Variants in ZBBX observed in about 807,000 individuals in gnomAD.
ZBBX encodes the protein zinc finger B-box domain containing.
ZBBX carries 101 observed loss-of-function variants against 108.5 expected under a neutral mutation model. The observed-to-expected ratio is 0.93, with a 90% CI of 0.79 to 1.10. The LOEUF (loss-of-function observed/expected upper bound fraction) is 1.10, where lower values mean the gene tolerates loss of function less well. Ranked by LOEUF, ZBBX falls within the 50% of genes least tolerant of loss-of-function variation. The pLI is 0.00. For missense variants in ZBBX, 1,009 were observed against 941.4 expected (o/e 1.07, Z -0.94); for synonymous variants, 356 against 323.4 (o/e 1.10, Z -1.08).
chr3:167,348,314 GAGAA>G (rs71176641), intron 9 of ZBBX, among the ~76,000 whole-genome samples: 2,624 of 65,530 alleles, frequency 0.04, 70 homozygotes, highest in Middle Eastern at 0.082. Context: ...GAGAAAGAAA[GAGAA>G]AGAAAGAAAG....
chr3:167,375,952 G>T (rs1004699363), intron 2 of ZBBX, among the ~76,000 whole-genome samples: 11 of 152,094 alleles, frequency 7.2e-5, no homozygotes, highest in Non-Finnish European at 1.5e-4. Context: ...CCTATTAGTG[G>T]TCCCAGGTAT....
chr3:167,246,260 C>A (rs1721554574), intron 20 of ZBBX, among the ~76,000 whole-genome samples: 1 of 152,162 alleles, frequency 6.6e-6, no homozygotes, highest in South Asian at 2.1e-4. Context: ...TTCTGCAATT[C>A]AAAGACACAC....
At chr3:167,185,702 T>C in the ZBBX span, among the ~76,000 whole-genome samples, 29 of 152,238 alleles carry the variant, frequency 1.9e-4, no homozygotes, top group African/African-American at 6.5e-4. Context: ...TCCAGAATGT[T>C]ACATTTTTTC....
the ZBBX span, among the ~76,000 whole-genome samples, chr3:167,221,037 A>G: frequency 1.3e-5 from 2 of 152,006 alleles, no homozygotes; most frequent in African/African-American, 4.8e-5. Flanking sequence ...GAAAACTATA[A>G]AATACTGGTG....
In ZBBX at chr3:167,240,735, T is replaced by G; in HGVS notation, c.*58A>C. 2 of 1,573,750 alleles carry G rather than the reference T, an allele frequency of 1.3e-6. No individual in the cohort carries two copies. Among genetic ancestry groups the G allele is most frequent in the Non-Finnish European group, 1.7e-6 (2 of 1,158,906 alleles). Reference sequence around the variant, plus strand: ...GGATAGGTAATCACTTGGTTACTTTTCTCAGTTGTTTGCTTTACTCTGGGT... The same window carrying G: ...GGATAGGTAATCACTTGGTTACTTTGCTCAGTTGTTTGCTTTACTCTGGGT... On this transcript the variant is annotated 3_prime_UTR_variant, in exon 22 of 22. Transcript: ENST00000675490.
chr3:167,272,720 T>C (rs1213461360), intron 20 of ZBBX, among the ~76,000 whole-genome samples: 1 of 152,134 alleles, frequency 6.6e-6, no homozygotes, highest in African/African-American at 2.4e-5. Flanking sequence ...CAGAGGCAAC[T>C]CTCAGCCTCA....
chr3:167,317,955 C>T (rs776740830), intron 12 of ZBBX, among the ~76,000 whole-genome samples: 15 of 151,968 alleles, frequency 9.9e-5, no homozygotes, highest in Non-Finnish European at 1.6e-4. Flanking sequence ...AGTTTTAGTT[C>T]ACAGTCTTGG....
the ZBBX span, among the ~76,000 whole-genome samples, chr3:167,218,238 A>G: frequency 6.6e-6 from 1 of 152,308 alleles, no homozygotes; most frequent in African/African-American, 2.4e-5. Context: ...AAACCTTCAC[A>G]TGAACTCCCA....
intron 20 of ZBBX, among the ~76,000 whole-genome samples, chr3:167,268,601 T>C (rs930549327): frequency 6.6e-6 from 1 of 151,942 alleles, no homozygotes; most frequent in Non-Finnish European, 1.5e-5. Flanking sequence ...TCTAAACAGA[T>C]TGAAGGACCA....
chr3:167,226,341 A>G, the ZBBX span, among the ~76,000 whole-genome samples: 1 of 151,762 alleles, frequency 6.6e-6, no homozygotes, highest in African/African-American at 2.4e-5. Context: ...GTAAAATGCC[A>G]TGATAGCATT....
intron 8 of ZBBX, among the ~76,000 whole-genome samples, chr3:167,357,617 A>C (rs1285868203): frequency 6.6e-6 from 1 of 152,208 alleles, no homozygotes. Context: ...GTGTCCACTA[A>C]TGGATGAATA....
At position 167,330,871 on chromosome 3, in the gene ZBBX, G is replaced by GAGGAGAAGAAGAAGA. The variant is rs1423113017; in HGVS notation, c.688-2756_688-2755insTCTTCTTCTTCTCCT. Among the ~76,000 whole-genome samples the GAGGAGAAGAAGAAGA allele has an allele frequency of 1.1e-4, 5 of 43,916 alleles. 1 individual carries two copies. 28.8% of individuals were successfully genotyped at this position (43,916 alleles called of 152,430 possible). On this transcript the variant is annotated intron_variant, in intron 10 of 21. Coordinates refer to ENST00000675490, the MANE Select transcript of ZBBX (RefSeq NM_001199201.2). ...GGAGGAGGAGGAGGAGGAGGAGGAG[G>GAGGAGAAGAAGAAGA]AGAAGAAGAAGAAGAAGAAGAAGAA...
At chr3:167,193,255 C>T in the ZBBX span, among the ~76,000 whole-genome samples, 1 of 152,156 alleles carries the variant, frequency 6.6e-6, no homozygotes, top group Non-Finnish European at 1.5e-5. Context: ...CAAAGTATCA[C>T]ATGTCCTGAA....
intron 11 of ZBBX, among the ~76,000 whole-genome samples, chr3:167,325,990 T>A (rs1737315215): frequency 1.3e-5 from 2 of 152,192 alleles, no homozygotes; most frequent in Non-Finnish European, 2.9e-5. Flanking sequence ...GAGGCCAGTT[T>A]GACAATATTC....
chr3:167,398,152 T>C (rs1260979048), intron 1 of ZBBX, among the ~76,000 whole-genome samples: 15 of 152,050 alleles, frequency 9.9e-5, no homozygotes, highest in Non-Finnish European at 2.2e-4. Flanking sequence ...AGATAATGAA[T>C]CTCTACAATG....
At chr3:167,206,519 A>T in the ZBBX span, among the ~76,000 whole-genome samples, 11 of 151,758 alleles carry the variant, frequency 7.2e-5, no homozygotes, top group African/African-American at 2.4e-4. Context: ...AATAAATAAA[A>T]AAAATGTCAT....
upstream of ZBBX, among the ~76,000 whole-genome samples, chr3:167,382,477 G>A (rs190591096): frequency 1.4e-4 from 21 of 152,210 alleles, no homozygotes; most frequent in Admixed American, 6.5e-4. Context: ...ATGCTTCTTT[G>A]TGCCACAGTG....
chr3:167,284,902 T>C (rs891894898), intron 19 of ZBBX, among the ~76,000 whole-genome samples: 3 of 152,102 alleles, frequency 2.0e-5, no homozygotes, highest in African/African-American at 7.2e-5. Flanking sequence ...GTTTAAGATA[T>C]AACACAACAT....
At chr3:167,226,277 C>T in the ZBBX span, among the ~76,000 whole-genome samples, 3 of 151,850 alleles carry the variant, frequency 2.0e-5, no homozygotes, top group East Asian at 3.9e-4. Context: ...AGTTAACATA[C>T]ATTTATAGGT....
Sources: allele counts gnomAD v4.1 joint callset (sites outside exome capture counted in the v4.1 genomes callset), GRCh38; gene constraint gnomAD v4.1.1; transcripts MANE v1.5; gene names NCBI Gene and HGNC (gene_info 2026-07-23, HGNC 2026-07-21).